RAPGEF4: variants seen among roughly 807,000 people sequenced by gnomAD.
RAPGEF4 encodes Rap guanine nucleotide exchange factor 4.
Under a neutral mutation model 147.9 loss-of-function variants are expected in RAPGEF4, and 66 were observed. That is an observed-to-expected ratio of 0.45 (90% CI 0.37 to 0.55). The LOEUF is 0.55. Among genes scored for constraint, RAPGEF4 ranks in the 20% least tolerant of loss-of-function variants. RAPGEF4 has a pLI of 0.00. For synonymous variants in RAPGEF4, 419 were observed against 442.7 expected (o/e 0.95, Z 0.67); for missense variants, 1,071 against 1,257.3 (o/e 0.85, Z 2.24).
chr2:172,951,283 T>A (rs1440483189), intron 6 of RAPGEF4, among the ~76,000 whole-genome samples: 1 of 152,240 alleles, frequency 6.6e-6, no homozygotes, highest in Non-Finnish European at 1.5e-5. Context: ...TCCCTTCATA[T>A]ACCTGAACAC....
At position 172,961,126 on chromosome 2, in the gene RAPGEF4, C is replaced by G. The variant is rs1249717968; in HGVS notation, c.596C>G (p.Pro199Arg). ...TTCCACCTGATTACAATCCAGGTCC[C>G]TTCAGAGAAGATCCTCAGAGCTGGA... ...LRPANTITKVPSEKILRAGKI... is the reference protein window; with the variant it reads ...LRPANTITKVRSEKILRAGKI... Residue 199 changes from proline to arginine, a missense_variant, in exon 8 of 31, where the codon CCT (proline) becomes CGT (arginine). Physicochemically the swap from Pro to Arg is moderately radical, Grantham distance 103. Coordinates refer to ENST00000397081, the MANE Select transcript of RAPGEF4 (RefSeq NM_007023.4). 3 of 1,603,460 alleles carry G rather than the reference C, an allele frequency of 1.9e-6. No homozygotes were observed. Among genetic ancestry groups the G allele is most frequent in the Non-Finnish European group, 2.6e-6 (3 of 1,170,428 alleles).
chr2:172,796,872 T>C (rs1339200688), intron 2 of RAPGEF4, among the ~76,000 whole-genome samples: 1 of 152,186 alleles, frequency 6.6e-6, no homozygotes, highest in Non-Finnish European at 1.5e-5. Flanking sequence ...AAAAGGACAG[T>C]TAGTTTGCAT....
intron 3 of RAPGEF4, among the ~76,000 whole-genome samples, chr2:172,799,059 G>A (rs17755348): frequency 0.015 from 2,251 of 152,194 alleles, 19 homozygotes; most frequent in South Asian, 0.03. Context: ...TCTTGTAAGC[G>A]GCCTCAGTTT....
chr2:173,003,527 A>G (rs368017383), intron 17 of RAPGEF4, among the ~76,000 whole-genome samples: 74 of 152,288 alleles, frequency 4.9e-4, no homozygotes, highest in African/African-American at 1.8e-3. Context: ...AGCATTGACC[A>G]ATATTATACC....
intron 6 of RAPGEF4, among the ~76,000 whole-genome samples, chr2:172,952,420 C>G (rs1243309962): frequency 6.6e-6 from 1 of 152,174 alleles, no homozygotes; most frequent in African/African-American, 2.4e-5. Context: ...GAGGAGGGAA[C>G]AGTGGTTGAA....
At chr2:172,851,943 C>T (rs1217281062) in intron 4 of RAPGEF4, among the ~76,000 whole-genome samples, 1 of 152,048 alleles carries the variant, frequency 6.6e-6, no homozygotes, top group East Asian at 1.9e-4. Context: ...TACATGTACC[C>T]CTGAAACTAA....
intron 15 of RAPGEF4, among the ~76,000 whole-genome samples, chr2:172,993,233 A>C (rs572179298): frequency 1.9e-4 from 29 of 152,222 alleles, no homozygotes; most frequent in Non-Finnish European, 3.4e-4. Context: ...TTTGCCATGA[A>C]GGATAAATTC....
intron 4 of RAPGEF4, among the ~76,000 whole-genome samples, chr2:172,902,030 T>C (rs957102910): frequency 6.6e-6 from 1 of 152,056 alleles, no homozygotes; most frequent in South Asian, 2.1e-4. Flanking sequence ...CTGAGGAGGT[T>C]ATATTTAAGC....
intron 10 of RAPGEF4, among the ~76,000 whole-genome samples, chr2:172,981,712 A>G (rs1691704383): frequency 6.6e-6 from 1 of 152,236 alleles, no homozygotes; most frequent in African/African-American, 2.4e-5. Context: ...GGTACTGTGC[A>G]AAGTATGCAG....
intron 1 of RAPGEF4, among the ~76,000 whole-genome samples, chr2:172,749,025 G>A (rs1041008843): frequency 3.3e-5 from 5 of 152,202 alleles, no homozygotes; most frequent in South Asian, 4.1e-4. Flanking sequence ...GGTCCCCATG[G>A]TCTTGGGCAG....
intron 6 of RAPGEF4, among the ~76,000 whole-genome samples, chr2:172,953,005 G>T (rs186004082): frequency 3.2e-4 from 48 of 152,126 alleles, no homozygotes; most frequent in African/African-American, 4.8e-4. Flanking sequence ...TGACAGGGGG[G>T]GTCCAGGCAG....
intron 3 of RAPGEF4, among the ~76,000 whole-genome samples, chr2:172,803,425 C>A (rs1308215093): frequency 1.3e-5 from 2 of 152,170 alleles, no homozygotes; most frequent in Non-Finnish European, 2.9e-5. Flanking sequence ...GTACCATGGC[C>A]CCTTTTGGTC....
intron 1 of RAPGEF4, among the ~76,000 whole-genome samples, chr2:172,750,830 AG>A (rs2149441896): frequency 6.6e-6 from 1 of 152,278 alleles, no homozygotes; most frequent in East Asian, 1.9e-4. Flanking sequence ...TAAAAAAGTC[AG>A]ATTACTTGTT....
At chr2:172,792,454 G>T (rs1685917411) in intron 1 of RAPGEF4, among the ~76,000 whole-genome samples, 1 of 152,152 alleles carries the variant, frequency 6.6e-6, no homozygotes, top group African/African-American at 2.4e-5. Context: ...TTTCAGGCAT[G>T]CTGTCATCTC....
intron 10 of RAPGEF4, among the ~76,000 whole-genome samples, chr2:172,978,174 C>T (rs1256067408): frequency 6.6e-6 from 1 of 151,418 alleles, no homozygotes; most frequent in Non-Finnish European, 1.5e-5. Context: ...CCCACGTGGG[C>T]TTCTGTGCAG....
intron 4 of RAPGEF4, among the ~76,000 whole-genome samples, chr2:172,882,896 G>A (rs761529681): frequency 5.3e-5 from 8 of 151,952 alleles, no homozygotes; most frequent in Non-Finnish European, 1.0e-4. Context: ...CTGGCTACTT[G>A]AAGCATCAGA....
At chr2:172,981,769 G>A (rs146557243) in intron 10 of RAPGEF4, among the ~76,000 whole-genome samples, 172 of 152,266 alleles carry the variant, frequency 1.1e-3, no homozygotes, top group African/African-American at 3.6e-3. Flanking sequence ...CATCTTCCCC[G>A]TGTTAGAATA....
At chr2:172,860,621 A>G (rs1693934420) in intron 4 of RAPGEF4, among the ~76,000 whole-genome samples, 1 of 147,680 alleles carries the variant, frequency 6.8e-6, no homozygotes, top group African/African-American at 2.5e-5. Flanking sequence ...TTAGAGGAGT[A>G]GATCTGAAAT....
chr2:172,952,894 C>T (rs1017808161), intron 6 of RAPGEF4, among the ~76,000 whole-genome samples: 2 of 152,184 alleles, frequency 1.3e-5, no homozygotes, highest in African/African-American at 4.8e-5. Context: ...TTGACAGAAT[C>T]ATTCTAAAAA....
Sources: allele counts gnomAD v4.1 joint callset (sites outside exome capture counted in the v4.1 genomes callset), GRCh38; gene constraint gnomAD v4.1.1; transcripts MANE v1.5; gene names NCBI Gene and HGNC (gene_info 2026-07-23, HGNC 2026-07-21).